Variants in TNRC6B observed in about 807,000 individuals in gnomAD.
TNRC6B encodes trinucleotide repeat containing adaptor 6B, also known as trinucleotide repeat-containing gene 6B protein.
Under a neutral mutation model 203.6 loss-of-function variants are expected in TNRC6B, and 52 were observed. The ratio of observed to expected loss-of-function variants is 0.26; its 90% CI spans 0.20 to 0.32. The LOEUF (loss-of-function observed/expected upper bound fraction) is 0.32. Ranked by LOEUF, TNRC6B falls within the 10% of genes least tolerant of loss-of-function variation. The pLI is 1.00. For synonymous variants in TNRC6B, 838 were observed against 845.7 expected, an observed-to-expected ratio of 0.99 and a Z score of 0.16; for missense variants, 1,923 against 2,286.2, an observed-to-expected ratio of 0.84 and a Z score of 3.24.
At chr22:40,154,857 AAAAATATATAT>A (rs2068801070) in intron 3 of TNRC6B, among the ~76,000 whole-genome samples, 3 of 42,364 alleles carry the variant, frequency 7.1e-5, no homozygotes, top group Non-Finnish European at 1.2e-4. Flanking sequence ...AAAAAAAAAA[AAAAATATATAT>A]ATATATATAT....
intron 1 of TNRC6B, among the ~76,000 whole-genome samples, chr22:40,213,624 G>A (rs2069593511): frequency 6.6e-6 from 1 of 152,172 alleles, no homozygotes; most frequent in East Asian, 1.9e-4. Flanking sequence ...ACATAATCAG[G>A]CTAATAACAA....
At chr22:40,178,881 A>G (rs1017140179) in intron 1 of TNRC6B, among the ~76,000 whole-genome samples, 1 of 152,206 alleles carries the variant, frequency 6.6e-6, no homozygotes, top group Admixed American at 6.5e-5. Flanking sequence ...TGTTGTAAAC[A>G]TGGTGTTTTA....
At position 40,262,094 on chromosome 22, in the gene TNRC6B, C is replaced by A; in HGVS notation, c.378C>A (p.Pro126=). ...MLLGGGAGPP[P]CTAPGANPNN... is the part of the protein sequence containing the mutation. Reference sequence around the variant, plus strand: ...TTGGGGGTGGGGCAGGGCCTCCTCCCTGCACAGCACCTGGAGCAAACCCAA... The same window carrying A: ...TTGGGGGTGGGGCAGGGCCTCCTCCATGCACAGCACCTGGAGCAAACCCAA... Residue 126 remains proline, a synonymous_variant, in exon 4 of 23, where the codon CCC becomes CCA. Coordinates refer to ENST00000454349, the MANE Select transcript of TNRC6B (RefSeq NM_001162501.2). 1 of 1,547,794 alleles carries A rather than the reference C, an allele frequency of 6.5e-7. No individual in the cohort carries two copies. The highest frequency in any genetic ancestry group is 2.3e-5 in the East Asian group (1 of 43,548).
At chr22:40,216,144 C>T (rs1040204612) in intron 1 of TNRC6B, among the ~76,000 whole-genome samples, 6 of 152,208 alleles carry the variant, frequency 3.9e-5, no homozygotes, top group Non-Finnish European at 7.3e-5. Flanking sequence ...TGGCCCATGC[C>T]GTTCCCCCTA....
At chr22:40,046,125 A>G (rs544102590) in intron 1 of TNRC6B, among the ~76,000 whole-genome samples, 2 of 152,374 alleles carry the variant, frequency 1.3e-5, no homozygotes, top group African/African-American at 4.8e-5. Context: ...AATGATAGAC[A>G]TTAGCATTTT....
chr22:40,283,822 A>G (rs376618368), intron 11 of TNRC6B, among the ~76,000 whole-genome samples: 1 of 152,216 alleles, frequency 6.6e-6, no homozygotes, highest in Non-Finnish European at 1.5e-5. Flanking sequence ...AATGCTTGTT[A>G]TTAAAGGAGA....
At chr22:40,320,940 C>A in intron 21 of TNRC6B, 150 bp from the exon 22 acceptor site, 2 of 848,792 alleles carry the variant, frequency 2.4e-6, no homozygotes, top group Admixed American at 2.5e-5. Flanking sequence ...AGACCATAGG[C>A]TGAATCATAT....
At chr22:40,065,159 T>G (rs1212485104) in intron 1 of TNRC6B, among the ~76,000 whole-genome samples, 3 of 152,076 alleles carry the variant, frequency 2.0e-5, no homozygotes, top group African/African-American at 7.3e-5. Flanking sequence ...TAATTTTTCT[T>G]TAAATATTTG....
intron 12 of TNRC6B, among the ~76,000 whole-genome samples, chr22:40,290,328 C>T (rs1257813532): frequency 6.6e-6 from 1 of 152,210 alleles, no homozygotes; most frequent in African/African-American, 2.4e-5. Context: ...TTCTGCACAG[C>T]ACTGTGCTAA....
intron 3 of TNRC6B, among the ~76,000 whole-genome samples, chr22:40,258,904 C>G (rs770646638): frequency 5.9e-5 from 9 of 152,150 alleles, no homozygotes; most frequent in Non-Finnish European, 1.2e-4. Context: ...TCTGTCATGT[C>G]TTGTTGTTTT....
intron 1 of TNRC6B, among the ~76,000 whole-genome samples, chr22:40,079,212 C>T (rs2068045661): frequency 6.6e-6 from 1 of 152,148 alleles, no homozygotes; most frequent in Non-Finnish European, 1.5e-5. Flanking sequence ...CGTGCCCGGG[C>T]AATATCTACT....
intron 4 of TNRC6B, among the ~76,000 whole-genome samples, chr22:40,166,208 T>G (rs1166570841): frequency 6.6e-6 from 1 of 152,140 alleles, no homozygotes. Context: ...ATCCGGCTTT[T>G]GTGGGAATAC....
At chr22:40,278,914 T>C (rs2070688872) in intron 9 of TNRC6B, among the ~76,000 whole-genome samples, 1 of 152,202 alleles carries the variant, frequency 6.6e-6, no homozygotes, top group Admixed American at 6.5e-5. Flanking sequence ...CTAATTTTTG[T>C]ATTTTTAGTA....
chr22:40,096,785 T>C (rs2068189122), intron 1 of TNRC6B, among the ~76,000 whole-genome samples: 1 of 152,248 alleles, frequency 6.6e-6, no homozygotes, highest in African/African-American at 2.4e-5. Context: ...GAGGTTTTAT[T>C]GATCCACCTA....
intron 12 of TNRC6B, 103 bp from the exon 13 acceptor site, chr22:40,300,352 C>G: frequency 8.6e-7 from 1 of 1,169,192 alleles, no homozygotes; most frequent in Non-Finnish European, 1.1e-6. Context: ...TTTGACAACT[C>G]TTGCTTTAGA....
chr22:40,091,771 G>A (rs865822389), intron 1 of TNRC6B, among the ~76,000 whole-genome samples: 2 of 152,016 alleles, frequency 1.3e-5, no homozygotes, highest in Middle Eastern at 3.2e-3. Context: ...GAACTTGAAC[G>A]TTCATTATAT....
intron 1 of TNRC6B, among the ~76,000 whole-genome samples, chr22:40,185,774 G>A (rs535156007): frequency 6.6e-6 from 1 of 151,922 alleles, no homozygotes; most frequent in Admixed American, 6.6e-5. Flanking sequence ...AGGACTTGGT[G>A]GGGGGGCACT....
At chr22:40,094,232 C>T (rs1279858389) in intron 1 of TNRC6B, among the ~76,000 whole-genome samples, 1 of 152,008 alleles carries the variant, frequency 6.6e-6, no homozygotes, top group East Asian at 1.9e-4. Flanking sequence ...TTAGGGATTG[C>T]TGTTACCATA....
In TNRC6B at chr22:40,132,983, T is replaced by A. The variant is rs974146510; in HGVS notation, c.45+7121T>A. On this transcript the variant is annotated intron_variant, in intron 3 of 23. Transcript: ENST00000301923. ...AAAAAAAAAAAAATATATATATATA[T>A]ATATATATTCTGTAAAATCCGGAGG... Among the ~76,000 whole-genome samples, 3 of 126,622 alleles carry A rather than the reference T, an allele frequency of 2.4e-5. 1 individual carries two copies. Among genetic ancestry groups the A allele is most frequent in the East Asian group, 2.4e-4 (1 of 4,140 alleles). 83.1% of individuals were successfully genotyped at this position (126,622 alleles called of 152,430 possible). A position where few individuals can be genotyped will look rare whatever the true frequency, so the allele number is the denominator to read the frequency against.
Sources: gnomAD v4.1 joint callset for allele counts (sites outside exome capture counted in the v4.1 genomes callset) on GRCh38, gnomAD v4.1.1 for gene constraint, MANE v1.5 for transcripts, NCBI Gene and HGNC (gene_info 2026-07-23, HGNC 2026-07-21) for gene names.